Variants in ANKRD13C observed in about 807,000 individuals in gnomAD.
ANKRD13C encodes ankyrin repeat domain 13C, also known as ankyrin repeat domain-containing protein 13C.
ANKRD13C carries 16 observed loss-of-function variants against 65.5 expected under a neutral mutation model. That is an observed-to-expected ratio of 0.24 (90% CI 0.17 to 0.37). The LOEUF (loss-of-function observed/expected upper bound fraction) is 0.37. ANKRD13C is among the 10% of genes least tolerant of loss of function. The probability of loss-of-function intolerance (pLI) is 1.00; values close to 1 mark genes in which losing one functional copy is unlikely to be tolerated. For synonymous variants in ANKRD13C, 235 were observed against 238.7 expected (o/e 0.98, Z 0.14); for missense variants, 503 against 655.9 (o/e 0.77, Z 2.55).
chr1:70,342,739 AACACACACACAC>A lies in ANKRD13C; in HGVS notation c.431-6652_431-6641del, dbSNP rs373447795. 7.0e-3 allele frequency among the ~76,000 whole-genome samples: 803 copies of A among 115,358 alleles called. 9 individuals are homozygous for A. Among genetic ancestry groups the A allele is most frequent in the African/African-American group, 0.022 (772 of 35,616 alleles). The allele number at this position is 115,358 out of a possible 152,430, so 75.7% of individuals were successfully genotyped here. On this transcript the variant is annotated intron_variant, in intron 1 of 12. Coordinates refer to ENST00000370944, the MANE Select transcript of ANKRD13C (RefSeq NM_030816.5). ...AAAGAAAGAAACACACACACACAAT[AACACACACACAC>A]ACACACACACACACACACACAAAAT...
intron 9 of ANKRD13C, among the ~76,000 whole-genome samples, chr1:70,286,075 T>TA (rs1679611573): frequency 6.6e-6 from 1 of 151,934 alleles, no homozygotes; most frequent in African/African-American, 2.4e-5. Flanking sequence ...TGTCTGTGTC[T>TA]AAGAGAAAAA....
At chr1:70,320,105 G>C (rs1681242842) in intron 3 of ANKRD13C, among the ~76,000 whole-genome samples, 1 of 152,074 alleles carries the variant, frequency 6.6e-6, no homozygotes. Context: ...TAAGTATGAG[G>C]AGTATGAGAA....
rs1165004321 is a variant in ANKRD13C, at chr1:70,277,038, AT to A, written c.1216-195del. ...GCTCTATTGGTAATATTTATTATCA[AT>A]TTTTTTTTAAATCCCAAAAAGACAA... On this transcript the variant is annotated intron_variant, in intron 9 of 12. Coordinates refer to ENST00000370944, the MANE Select transcript of ANKRD13C (RefSeq NM_030816.5). 1.1e-4 allele frequency among the ~76,000 whole-genome samples: 16 copies of A among 151,684 alleles called. No homozygotes were observed. The East Asian group carries it at 1.9e-3, about 18-fold the overall frequency.
chr1:70,291,589 G>T (rs1013388357), intron 9 of ANKRD13C, among the ~76,000 whole-genome samples: 1 of 152,112 alleles, frequency 6.6e-6, no homozygotes, highest in Non-Finnish European at 1.5e-5. Context: ...ATGGGAAGGT[G>T]TAAGTCAGAG....
intron 1 of ANKRD13C, among the ~76,000 whole-genome samples, chr1:70,342,057 A>T (rs1682333567): frequency 6.6e-6 from 1 of 151,762 alleles, no homozygotes; most frequent in South Asian, 2.1e-4. Flanking sequence ...GACTGGCTTG[A>T]GCAACTAGAT....
chr1:70,344,008 T>C (rs1682421530), intron 1 of ANKRD13C, among the ~76,000 whole-genome samples: 3 of 151,996 alleles, frequency 2.0e-5, no homozygotes, highest in Admixed American at 1.3e-4. Flanking sequence ...TTTTAAAAAT[T>C]AGCTGGGGGC....
At chr1:70,307,530 CT>C (rs1680638680) in intron 5 of ANKRD13C, among the ~76,000 whole-genome samples, 1 of 152,180 alleles carries the variant, frequency 6.6e-6, no homozygotes, top group African/African-American at 2.4e-5. Context: ...TGCAAAATGA[CT>C]TCCAGCACTG....
At chr1:70,287,939 A>G (rs1679694328) in intron 9 of ANKRD13C, among the ~76,000 whole-genome samples, 1 of 152,192 alleles carries the variant, frequency 6.6e-6, no homozygotes, top group Non-Finnish European at 1.5e-5. Context: ...GGATTATTTG[A>G]GTTGAGGCGG....
intron 9 of ANKRD13C, among the ~76,000 whole-genome samples, chr1:70,277,643 A>G (rs1679200314): frequency 6.6e-6 from 1 of 152,174 alleles, no homozygotes; most frequent in African/African-American, 2.4e-5. Flanking sequence ...GATCAAGACT[A>G]TGCAATTGGA....
At chr1:70,315,914 C>A (rs1351689345) in intron 3 of ANKRD13C, among the ~76,000 whole-genome samples, 2 of 152,126 alleles carry the variant, frequency 1.3e-5, no homozygotes, top group African/African-American at 4.8e-5. Flanking sequence ...TCAACCTATA[C>A]CATATTCACA....
intron 2 of ANKRD13C, among the ~76,000 whole-genome samples, chr1:70,325,811 A>ATG: frequency 6.6e-6 from 1 of 150,856 alleles, no homozygotes; most frequent in East Asian, 2.0e-4. Context: ...CCCGGGAGGC[A>ATG]GAGGCTGCAG....
chr1:70,274,900 G>A, intron 10 of ANKRD13C, 82 bp from the exon 11 acceptor site: 1 of 839,780 alleles, frequency 1.2e-6, no homozygotes, highest in South Asian at 1.5e-5. Context: ...ATCTTTCAAT[G>A]ACATTCATTA....
In ANKRD13C at chr1:70,354,426, AG is replaced by A. The variant is rs774502578; in HGVS notation, c.-19del. ...CCGGTCATCGCCGCCGCCAGGGGCAAGGGGGGGAATCGGGAGGCTCACCGCT... is the reference window on the plus strand; with the variant it reads ...CCGGTCATCGCCGCCGCCAGGGGCAAGGGGGGAATCGGGAGGCTCACCGCT... On this transcript the variant is annotated 5_prime_UTR_variant, in exon 1 of 13. Coordinates refer to ENST00000370944, the MANE Select transcript of ANKRD13C (RefSeq NM_030816.5). 5.6e-6 allele frequency: 9 copies of A among 1,604,646 alleles called. No homozygotes were observed. The highest frequency in any genetic ancestry group is 1.3e-5 in the African/African-American group (1 of 74,822).
chr1:70,301,462 A>G (rs1680352599), intron 6 of ANKRD13C, among the ~76,000 whole-genome samples: 1 of 152,216 alleles, frequency 6.6e-6, no homozygotes, highest in Non-Finnish European at 1.5e-5. Context: ...CTTGGAATTG[A>G]GAACTCCTCT....
chr1:70,298,357 C>A (rs1680182916), intron 7 of ANKRD13C, among the ~76,000 whole-genome samples: 1 of 152,134 alleles, frequency 6.6e-6, no homozygotes, highest in African/African-American at 2.4e-5. Flanking sequence ...ATTGCTTCAA[C>A]ATTTAATGAA....
intron 1 of ANKRD13C, among the ~76,000 whole-genome samples, chr1:70,341,552 G>C (rs1298949679): frequency 6.6e-6 from 1 of 151,780 alleles, no homozygotes; most frequent in African/African-American, 2.4e-5. Context: ...TAGAGACAGG[G>C]TTTCACCATG....
chr1:70,351,663 C>A (rs558747884), intron 1 of ANKRD13C, among the ~76,000 whole-genome samples: 23 of 152,248 alleles, frequency 1.5e-4, no homozygotes, highest in African/African-American at 5.5e-4. Flanking sequence ...GCCTCTCAAA[C>A]TGCTGGGATT....
chr1:70,315,531 T>C lies in ANKRD13C; in HGVS notation c.613A>G (p.Arg205Gly). The C allele has an allele frequency of 1.2e-6, 2 of 1,609,508 alleles. No homozygotes were observed. Among genetic ancestry groups the C allele is most frequent in the Non-Finnish European group, 1.7e-6 (2 of 1,177,684 alleles). The part of the protein sequence containing the change: ...ALLRKLKQQS[R>G]ESVEEKRPRL... ...GGTCGTTTTTCTTCAACACTTTCCC[T>C]GGATTGCTGCTTAAGCTTCCTCAAA... The change falls in exon 4 of 13, where the codon AGG becomes GGG. Residue 205 changes from arginine to glycine, a missense_variant. Around this residue, in one of 2 missense-constraint regions of ANKRD13C, gnomAD observed 300 missense variants for 478.3 expected, o/e 0.63. Coordinates refer to ENST00000370944, the MANE Select transcript of ANKRD13C (RefSeq NM_030816.5).
At chr1:70,337,613 G>T (rs1468376376) in intron 1 of ANKRD13C, among the ~76,000 whole-genome samples, 3 of 151,782 alleles carry the variant, frequency 2.0e-5, no homozygotes, top group East Asian at 1.9e-4. Context: ...ATAAAATAAA[G>T]TCATCTCTGT....
Sources: allele counts gnomAD v4.1 joint callset (sites outside exome capture counted in the v4.1 genomes callset), GRCh38; gene constraint gnomAD v4.1.1; regional missense constraint gnomAD v4.1.1; transcripts MANE v1.5; gene names NCBI Gene and HGNC (gene_info 2026-07-23, HGNC 2026-07-21).